The following PALLD variants were observed in gnomAD, a reference collection of about 807,000 sequenced individuals.
PALLD encodes the protein palladin, cytoskeletal associated protein, also known as palladin.
PALLD carries 61 observed loss-of-function variants against 123.5 expected under a neutral mutation model. The ratio of observed to expected loss-of-function variants is 0.49; its 90% CI spans 0.40 to 0.61. The LOEUF (loss-of-function observed/expected upper bound fraction) is 0.61. PALLD is among the 20% of genes least tolerant of loss of function. The pLI, the probability that PALLD is intolerant of heterozygous loss-of-function variation, is 0.00. For missense variants in PALLD, 1,273 were observed against 1,377.0 expected, an observed-to-expected ratio of 0.92 and a Z score of 1.20; for synonymous variants, 465 against 496.4, an observed-to-expected ratio of 0.94 and a Z score of 0.84.
chr4:168,693,061 A>T (rs1782780932), intron 8 of PALLD, among the ~76,000 whole-genome samples: 1 of 152,272 alleles, frequency 6.6e-6, no homozygotes, highest in East Asian at 1.9e-4. Flanking sequence ...CTGCGTCTTC[A>T]TCACTTATCC....
At chr4:168,789,362 T>A (rs1212756191) in intron 10 of PALLD, among the ~76,000 whole-genome samples, 1 of 152,216 alleles carries the variant, frequency 6.6e-6, no homozygotes, top group African/African-American at 2.4e-5. Context: ...TTATTACTTC[T>A]GTAATTTTTG....
intron 2 of PALLD, among the ~76,000 whole-genome samples, chr4:168,627,428 T>G (rs1580653056): frequency 6.6e-6 from 1 of 152,100 alleles, no homozygotes; most frequent in Non-Finnish European, 1.5e-5. Flanking sequence ...GAGAATCACT[T>G]GGACCTAGGA....
At chr4:168,717,977 C>T (rs7671579) in intron 10 of PALLD, among the ~76,000 whole-genome samples, 55,908 of 152,034 alleles carry the variant, frequency 0.37, 10,795 homozygotes, top group Non-Finnish European at 0.43. Context: ...CTTGCAATGT[C>T]AGTTGGCCAC....
Position 168,831,192 on chromosome 4 carries a change from T to G in PALLD, c.1965-59730T>G, listed in dbSNP as rs114885967. 6.9e-3 allele frequency among the ~76,000 whole-genome samples: 1,050 copies of G among 152,326 alleles called. 7 individuals are homozygous for G. The highest frequency in any genetic ancestry group is 0.02 in the Middle Eastern group (6 of 294). ...TGAAAGAAAAGTTGGTGATCTGGAT[T>G]TAGGGCTAAGCCCACAATCTGTCAC... On this transcript the variant is annotated intron_variant, in intron 10 of 21. Transcript: ENST00000505667.
At chr4:168,880,200 A>G (rs1311972836) in intron 10 of PALLD, among the ~76,000 whole-genome samples, 1 of 152,254 alleles carries the variant, frequency 6.6e-6, no homozygotes, top group Non-Finnish European at 1.5e-5. Flanking sequence ...ACCTCAAGTA[A>G]CAGGAGCACT....
intron 2 of PALLD, among the ~76,000 whole-genome samples, chr4:168,595,772 G>A (rs1771914618): frequency 6.6e-6 from 1 of 151,998 alleles, no homozygotes; most frequent in Admixed American, 6.6e-5. Flanking sequence ...TATTATTTTT[G>A]TCTGCTCAAC....
At chr4:168,673,844 T>C (rs1780547479) in intron 3 of PALLD, among the ~76,000 whole-genome samples, 1 of 151,796 alleles carries the variant, frequency 6.6e-6, no homozygotes. Flanking sequence ...GGAAAAGGAA[T>C]AGGATTGGAG....
At chr4:168,889,889 C>T (rs1753914282) in intron 10 of PALLD, among the ~76,000 whole-genome samples, 1 of 152,220 alleles carries the variant, frequency 6.6e-6, no homozygotes. Context: ...TTGAGAACCA[C>T]TGCTGTAGCA....
At chr4:168,539,379 A>G (rs1197335324) in intron 2 of PALLD, among the ~76,000 whole-genome samples, 4 of 151,948 alleles carry the variant, frequency 2.6e-5, no homozygotes, top group Non-Finnish European at 5.9e-5. Flanking sequence ...AACAAGGTCA[A>G]GAGTTCGAGA....
intron 10 of PALLD, among the ~76,000 whole-genome samples, chr4:168,722,656 C>T (rs1018377307): frequency 2.0e-5 from 3 of 152,146 alleles, no homozygotes; most frequent in African/African-American, 4.8e-5. Flanking sequence ...ATCAAGAGAA[C>T]CCATTTGAAT....
intron 6 of PALLD, among the ~76,000 whole-genome samples, chr4:168,688,645 G>A (rs1416785799): frequency 1.3e-5 from 2 of 152,282 alleles, no homozygotes; most frequent in East Asian, 3.9e-4. Context: ...ACTATGTTTA[G>A]CCATGGCTTT....
chr4:168,832,773 G>C (rs1303174041), intron 10 of PALLD: 2 of 152,340 alleles, frequency 1.3e-5, no homozygotes, highest in African/African-American at 2.4e-5. Flanking sequence ...GCGTAACTCG[G>C]GGCGTCCTTT....
intron 10 of PALLD, among the ~76,000 whole-genome samples, chr4:168,712,555 C>T (rs551782773): frequency 2.0e-5 from 3 of 152,294 alleles, no homozygotes; most frequent in African/African-American, 4.8e-5. Context: ...CTTGCATGAG[C>T]TGTTTCCATT....
At chr4:168,924,162 A>T in intron 18 of PALLD, 93 bp from the exon 19 acceptor site, 1 of 1,090,906 alleles carries the variant, frequency 9.2e-7, no homozygotes, top group South Asian at 1.3e-5. Context: ...ATCATAAAAG[A>T]TCTATTCAAG....
At chr4:168,610,142 G>A (rs1030685462) in intron 2 of PALLD, among the ~76,000 whole-genome samples, 20 of 152,172 alleles carry the variant, frequency 1.3e-4, no homozygotes, top group South Asian at 4.1e-4. Context: ...TATTTGATAT[G>A]CTTATTTTAA....
At chr4:168,640,974 C>T (rs889380359) in intron 2 of PALLD, among the ~76,000 whole-genome samples, 3 of 152,066 alleles carry the variant, frequency 2.0e-5, no homozygotes, top group African/African-American at 7.2e-5. Context: ...TTTGGGAGGT[C>T]GAGGTGGGCG....
At position 168,869,387 on chromosome 4, in the gene PALLD, G is replaced by A. The variant is rs1750777879; in HGVS notation, c.1965-21535G>A. ...CAGCCTTGTGGGCTGGAGTAGTATG[G>A]AGGAGGGAGTAAGAACTGCTAGATG... On this transcript the variant is annotated intron_variant, in intron 10 of 21. Coordinates refer to ENST00000505667, the MANE Select transcript of PALLD (RefSeq NM_001166108.2). The surrounding 1 kb of genome is among the most constrained non-coding windows in gnomAD (Gnocchi z 4.5). Among the ~76,000 whole-genome samples, 1 of 152,170 alleles carries A rather than the reference G, an allele frequency of 6.6e-6. No homozygotes were observed. The highest frequency in any genetic ancestry group is 1.5e-5 in the Non-Finnish European group (1 of 68,036).
rs59427697 is a variant in PALLD, at chr4:168,905,790, C to CTTTTTT, written c.2622+1899_2622+1904dup. Reference sequence around the variant, plus strand: ...ACAAAAGCGGAACTTGCTTTTTTTTCTTTTTTTTTTTTTTTTTTTTCTTTT... The same window carrying CTTTTTT: ...ACAAAAGCGGAACTTGCTTTTTTTTCTTTTTTTTTTTTTTTTTTTTTTTTTTCTTTT... On this transcript the variant is annotated intron_variant, in intron 15 of 21. Transcript: ENST00000505667. 2.0e-3 allele frequency among the ~76,000 whole-genome samples: 230 copies of CTTTTTT among 113,138 alleles called. 2 individuals carry two copies. Among genetic ancestry groups the CTTTTTT allele is most frequent in the Non-Finnish European group, 2.3e-3 (130 of 57,722 alleles). The allele number at this position is 113,138 out of a possible 152,430, so 74.2% of individuals were successfully genotyped here.
intron 10 of PALLD, among the ~76,000 whole-genome samples, chr4:168,789,481 C>CG (rs1561525259): frequency 6.6e-6 from 1 of 152,002 alleles, no homozygotes; most frequent in Non-Finnish European, 1.5e-5. Flanking sequence ...CCGAGGCAGG[C>CG]GGATCACAAG....
Sources: allele counts gnomAD v4.1 joint callset (sites outside exome capture counted in the v4.1 genomes callset), GRCh38; gene constraint gnomAD v4.1.1; non-coding constraint Gnocchi (gnomAD v3.1); transcripts MANE v1.5; gene names NCBI Gene and HGNC (gene_info 2026-07-23, HGNC 2026-07-21).